The following ZAN variants were observed in gnomAD, a reference collection of about 807,000 sequenced individuals.
ZAN encodes the protein zonadhesin (gene/pseudogene).
In ZAN, 260 loss-of-function variants were observed where a neutral mutation model predicts 286.2. That is an observed-to-expected ratio of 0.91 (90% CI 0.82 to 1.01). The LOEUF is 1.01. Ranked by LOEUF, ZAN falls within the 50% of genes least tolerant of loss-of-function variation. The probability of loss-of-function intolerance (pLI) is 0.00; values close to 1 mark genes in which losing one functional copy is unlikely to be tolerated. For missense variants in ZAN, 3,410 were observed against 3,639.2 expected, an observed-to-expected ratio of 0.94 and a Z score of 1.62; for synonymous variants, 1,368 against 1,417.5, an observed-to-expected ratio of 0.97 and a Z score of 0.79.
intron 7 of ZAN, among the ~76,000 whole-genome samples, chr7:100,743,959 T>G (rs1807997979): frequency 6.7e-6 from 1 of 149,500 alleles, no homozygotes; most frequent in Non-Finnish European, 1.5e-5. Flanking sequence ...TCAAGCCATC[T>G]TCCTGCTTCG....
chr7:100,750,693 C>A lies in ZAN; in HGVS notation c.1318C>A (p.Arg440=). Residue 440 remains arginine, a synonymous_variant, in exon 12 of 48, where the codon CGG becomes AGG. Transcript: ENST00000613979. ...AGGCCAGTCAGTCAGACTGGTGAGC[C>A]GGCCCTTCTGCGCCCCAGGTGACAT... ...QAGQSVRLVS[R]PFCAPGDICV... is the part of the protein sequence containing the mutation. 6.2e-7 allele frequency: 1 copy of A among 1,613,226 alleles called. No homozygotes were observed. The highest frequency in any genetic ancestry group is 2.2e-5 in the East Asian group (1 of 44,860).
At chr7:100,778,342 G>A (rs1251491309) in intron 34 of ZAN, among the ~76,000 whole-genome samples, 1 of 151,340 alleles carries the variant, frequency 6.6e-6, no homozygotes, top group Non-Finnish European at 1.5e-5. Flanking sequence ...AGTGGCTCAC[G>A]CCTCTAATCC....
In ZAN at chr7:100,739,535, G is replaced by A. The variant is rs1807594959; in HGVS notation, c.766+922G>A. ...GAGCCAAGTGCACTGGCTCACGCCT[G>A]TAATCCCAGCGCTTTGGGAAGCTGA... On this transcript the variant is annotated intron_variant, in intron 7 of 47. Transcript: ENST00000613979. Among the ~76,000 whole-genome samples the A allele has an allele frequency of 1.5e-5, 2 of 135,658 alleles. 1 individual carries two copies. The highest frequency in any genetic ancestry group is 5.3e-5 in the African/African-American group (2 of 37,694). 89.0% of individuals were successfully genotyped at this position (135,658 alleles called of 152,430 possible).
chr7:100,784,466 C>T (rs536100322), intron 35 of ZAN, among the ~76,000 whole-genome samples, 157 bp from the exon 36 acceptor site: 2 of 152,136 alleles, frequency 1.3e-5, no homozygotes, highest in East Asian at 1.9e-4. Context: ...GGCACATAAC[C>T]CATACTCAGT....
chr7:100,760,918 A>G (rs749757255), intron 19 of ZAN, among the ~76,000 whole-genome samples: 9 of 152,100 alleles, frequency 5.9e-5, no homozygotes, highest in Non-Finnish European at 1.2e-4. Context: ...TTTTTGAGAC[A>G]GGATCTCTCG....
At chr7:100,794,841 AAGAAG>A (rs957946388) in intron 44 of ZAN, among the ~76,000 whole-genome samples, 25 of 148,528 alleles carry the variant, frequency 1.7e-4, no homozygotes, top group Non-Finnish European at 2.4e-4. Context: ...TGTCTCAAAA[AAGAAG>A]AGAAGAGAAG....
chr7:100,797,678 C>T (rs370858251), intron 47 of ZAN, 29 bp from the exon 48 acceptor site: 113 of 1,613,866 alleles, frequency 7.0e-5, no homozygotes, highest in Non-Finnish European at 8.9e-5. Flanking sequence ...AGTCTCCTCT[C>T]ATACATGGTT....
rs560129889 is a variant in ZAN at position 100,784,701 on chromosome 7, G to C, written c.6701G>C (p.Arg2234Pro). The C allele has an allele frequency of 1.2e-6, 2 of 1,613,902 alleles. No individual in the cohort carries two copies. The highest frequency in any genetic ancestry group is 1.7e-5 in the Admixed American group (1 of 59,978). The change falls in exon 36 of 48, where the codon CGG (arginine) becomes CCG (proline). Residue 2234 changes from arginine (R) to proline (P), a missense_variant. Transcript: ENST00000613979. ...CCCTCCTGCTGGGACCTGGATGGCCGGTGTGAGGGCGCCAAAGTCCCCTCT... is the reference window on the plus strand; with the variant it reads ...CCCTCCTGCTGGGACCTGGATGGCCCGTGTGAGGGCGCCAAAGTCCCCTCT... ...CSPSCWDLDGRCEGAKVPSAC... is the reference protein window; with the variant it reads ...CSPSCWDLDGPCEGAKVPSAC...
rs376127341 is a variant in ZAN, at chr7:100,797,556, C to G, written c.8367-21C>G. On this transcript the variant is annotated intron_variant, in intron 46 of 47. Coordinates refer to ENST00000613979, the MANE Select transcript of ZAN (RefSeq NM_003386.3). ...TAAAGGGCCACTTGGGGACCCATGTCTATTCCCCCATGCCTTCTAGAGAGA... is the reference window on the plus strand; with the variant it reads ...TAAAGGGCCACTTGGGGACCCATGTGTATTCCCCCATGCCTTCTAGAGAGA... 3.7e-6 allele frequency: 6 copies of G among 1,613,422 alleles called. No individual in the cohort carries two copies. In the African/African-American group the frequency reaches 5.4e-5, roughly 14 times the overall value.
intron 7 of ZAN, among the ~76,000 whole-genome samples, chr7:100,746,104 G>A (rs1428963092): frequency 6.6e-6 from 1 of 152,030 alleles, no homozygotes; most frequent in Non-Finnish European, 1.5e-5. Context: ...GCGCACACCT[G>A]TAGTCCCAGC....
At chr7:100,785,223 CTTTTTTTTTT>C (rs5886135) in intron 36 of ZAN, among the ~76,000 whole-genome samples, 1 of 87,534 alleles carries the variant, frequency 1.1e-5, no homozygotes, top group African/African-American at 4.3e-5. Context: ...AACACAGTGC[CTTTTTTTTTT>C]TTTTTTTTTT....
chr7:100,752,183 C>T lies in ZAN; in HGVS notation c.2078C>T (p.Thr693Met), dbSNP rs188289771. 58 of 1,611,046 alleles carry T rather than the reference C, an allele frequency of 3.6e-5. No individual in the cohort carries two copies. The African/African-American group carries it at 5.7e-4, about 16-fold the overall frequency. The stretch of plus-strand genomic sequence containing the variant: ...CCTACAGAAAAACCCAGCATCCCCA[C>T]GGAAAAACCCACCATCTCCATGGAA... Reference protein sequence around the residue: ...SIPTEKPSIPTEKPTISMEET... With the variant: ...SIPTEKPSIPMEKPTISMEET... The change falls in exon 14 of 48, where the codon ACG (threonine) becomes ATG (methionine). Residue 693 changes from threonine (T) to methionine (M), a missense_variant. Coordinates refer to ENST00000613979, the MANE Select transcript of ZAN (RefSeq NM_003386.3).
intron 26 of ZAN, among the ~76,000 whole-genome samples, chr7:100,768,356 C>T (rs962456737): frequency 2.6e-5 from 4 of 152,164 alleles, no homozygotes; most frequent in African/African-American, 7.2e-5. Flanking sequence ...CCTTTAATCC[C>T]AGCTATTTGG....
intron 35 of ZAN, among the ~76,000 whole-genome samples, chr7:100,784,055 T>G (rs1049726630): frequency 6.6e-6 from 1 of 150,636 alleles, no homozygotes; most frequent in East Asian, 1.9e-4. Context: ...CTACTGATCA[T>G]ACACATCAAG....
intron 13 of ZAN, among the ~76,000 whole-genome samples, chr7:100,751,502 A>G (rs1808661595): frequency 6.6e-6 from 1 of 152,148 alleles, no homozygotes. Flanking sequence ...CTTCCTCTGC[A>G]GTCTTGAAGG....
chr7:100,757,432 C>T (rs1809222541), intron 15 of ZAN, among the ~76,000 whole-genome samples: 1 of 152,162 alleles, frequency 6.6e-6, no homozygotes, highest in Non-Finnish European at 1.5e-5. Flanking sequence ...TGAATGAGAG[C>T]ACTCATGGGA....
chr7:100,768,776 C>CG (rs1810189738), intron 27 of ZAN, 55 bp downstream of exon 27: 4 of 1,457,864 alleles, frequency 2.7e-6, no homozygotes, highest in Non-Finnish European at 2.8e-6. Context: ...GGAAGGGCCT[C>CG]GGGGGGCAGC....
Position 100,769,975 on chromosome 7 carries a change from G to A in ZAN, c.5248+1G>A, listed in dbSNP as rs868751182. On this transcript the variant is annotated splice_donor_variant, in intron 28 of 47. Coordinates refer to ENST00000613979, the MANE Select transcript of ZAN (RefSeq NM_003386.3). LOFTEE classifies it high-confidence loss of function. ...TGTGCGATCTTAATAAACCCTCAGGGTAAGACATGTCCCTGCTGGCCCTTT... is the reference window on the plus strand; with the variant it reads ...TGTGCGATCTTAATAAACCCTCAGGATAAGACATGTCCCTGCTGGCCCTTT... 1.3e-6 allele frequency: 2 copies of A among 1,560,278 alleles called. No homozygotes were observed. Among genetic ancestry groups the A allele is most frequent in the Non-Finnish European group, 1.7e-6 (2 of 1,151,600 alleles).
intron 11 of ZAN, among the ~76,000 whole-genome samples, chr7:100,748,818 C>G (rs567561640): frequency 2.0e-5 from 3 of 152,038 alleles, no homozygotes; most frequent in African/African-American, 7.2e-5. Context: ...TGCTTGAGCC[C>G]AGGAGTCTGA....
Sources: gnomAD v4.1 joint callset for allele counts (sites outside exome capture counted in the v4.1 genomes callset) on GRCh38, gnomAD v4.1.1 for gene constraint, MANE v1.5 for transcripts, NCBI Gene and HGNC (gene_info 2026-07-23, HGNC 2026-07-21) for gene names.